TRIP12: variants seen among roughly 807,000 people sequenced by gnomAD.
The protein encoded by TRIP12 is thyroid hormone receptor interactor 12, also known as E3 ubiquitin-protein ligase TRIP12.
In TRIP12, 25 loss-of-function variants were observed where a neutral mutation model predicts 244.2. That is an observed-to-expected ratio of 0.10 (90% confidence interval 0.07 to 0.14). The LOEUF is 0.14. Ranked by LOEUF, TRIP12 falls within the 10% of genes least tolerant of loss-of-function variation. TRIP12 has a pLI of 1.00. For missense variants in TRIP12, 1,677 were observed against 2,486.4 expected, an observed-to-expected ratio of 0.67 and a Z score of 6.92; for synonymous variants, 905 against 873.1, an observed-to-expected ratio of 1.04 and a Z score of -0.64.
chr2:229,791,395 T>A (rs1466026599), intron 29 of TRIP12, 144 bp from the exon 30 acceptor site: 1 of 998,262 alleles, frequency 1.0e-6, no homozygotes, highest in East Asian at 2.6e-5. Flanking sequence ...TCTGGAGAAC[T>A]TCTTAGAAGA....
intron 20 of TRIP12, among the ~76,000 whole-genome samples, chr2:229,803,281 T>G (rs949257225): frequency 6.6e-6 from 1 of 152,182 alleles, no homozygotes; most frequent in Admixed American, 6.5e-5. Context: ...ACCCCGCTAA[T>G]TTTTGTATTT....
At chr2:229,809,117 G>C (rs892912160) in intron 15 of TRIP12, among the ~76,000 whole-genome samples, 1 of 152,116 alleles carries the variant, frequency 6.6e-6, no homozygotes, top group African/African-American at 2.4e-5. Flanking sequence ...TTATTAGAAT[G>C]TTTTGCCAAT....
intron 23 of TRIP12, among the ~76,000 whole-genome samples, chr2:229,798,347 G>C (rs562626214): frequency 6.6e-6 from 1 of 151,942 alleles, no homozygotes; most frequent in Non-Finnish European, 1.5e-5. Flanking sequence ...AAACCAAAGA[G>C]AGCATGTTTA....
At chr2:229,809,093 T>C (rs1354847108) in intron 15 of TRIP12, among the ~76,000 whole-genome samples, 2 of 152,206 alleles carry the variant, frequency 1.3e-5, no homozygotes, top group African/African-American at 4.8e-5. Flanking sequence ...ATATGCAAAA[T>C]ATACATAAAC....
chr2:229,919,277 G>C (rs540779754), intron 1 of TRIP12, among the ~76,000 whole-genome samples: 2 of 152,176 alleles, frequency 1.3e-5, no homozygotes, highest in East Asian at 3.9e-4. Flanking sequence ...TTAGCCGGGC[G>C]TGGTGGCGCG....
chr2:229,915,151 C>G (rs1326771512), intron 1 of TRIP12, among the ~76,000 whole-genome samples: 1 of 152,048 alleles, frequency 6.6e-6, no homozygotes, highest in Non-Finnish European at 1.5e-5. Context: ...ACTCGGGAGG[C>G]TGAGGCAGGA....
At chr2:229,892,353 G>T (rs531409181) in intron 1 of TRIP12, among the ~76,000 whole-genome samples, 1 of 152,272 alleles carries the variant, frequency 6.6e-6, no homozygotes, top group African/African-American at 2.4e-5. Flanking sequence ...TAGGAAAAAA[G>T]TCTGCAAAAA....
chr2:229,768,862 C>T (rs553992465), intron 40 of TRIP12, 143 bp from the exon 41 acceptor site: 30 of 652,216 alleles, frequency 4.6e-5, no homozygotes, highest in African/African-American at 3.7e-4. Context: ...TACTTAAATT[C>T]GTTTCTGTTA....
At chr2:229,840,990 T>C (rs1366865822) in intron 4 of TRIP12, 63 bp from the exon 5 acceptor site, 4 of 1,248,498 alleles carry the variant, frequency 3.2e-6, no homozygotes, top group Non-Finnish European at 4.5e-6. Context: ...TTAAAAATTA[T>C]AAAATTCTTC....
intron 4 of TRIP12, 57 bp from the exon 5 acceptor site, chr2:229,840,984 A>G: frequency 2.4e-6 from 3 of 1,269,452 alleles, no homozygotes; most frequent in Non-Finnish European, 2.2e-6. Context: ...CACTAATTAA[A>G]AATTATAAAA....
intron 5 of TRIP12, among the ~76,000 whole-genome samples, chr2:229,838,760 T>C (rs895088924): frequency 2.6e-5 from 4 of 152,180 alleles, no homozygotes; most frequent in African/African-American, 9.7e-5. Context: ...CTCAGAAAAG[T>C]TGCTATGCAA....
chr2:229,889,095 C>A (rs1053735260), intron 1 of TRIP12, among the ~76,000 whole-genome samples: 8 of 152,164 alleles, frequency 5.3e-5, no homozygotes, highest in Non-Finnish European at 2.9e-5. Flanking sequence ...AGTCTACTAA[C>A]AGGATCCCGC....
At chr2:229,767,860 T>G in intron 41 of TRIP12, 110 bp from the exon 42 acceptor site, 1 of 1,143,552 alleles carries the variant, frequency 8.7e-7, no homozygotes, top group Non-Finnish European at 1.2e-6. Flanking sequence ...ATATTCTTTC[T>G]TGCTTGGCAA....
At chr2:229,831,274 T>C in intron 6 of TRIP12, 2 of 619,306 alleles carry the variant, frequency 3.2e-6, no homozygotes, top group Non-Finnish European at 5.7e-6. Context: ...ACGTCTGCCT[T>C]CTAAGTCTGC....
At position 229,797,750 on chromosome 2, in the gene TRIP12, G is replaced by A. The variant is rs2043171612; in HGVS notation, c.3564C>T (p.Ser1188=). 6.2e-7 allele frequency: 1 copy of A among 1,613,980 alleles called. No homozygotes were observed. Among genetic ancestry groups the A allele is most frequent in the Admixed American group, 1.7e-5 (1 of 60,010 alleles). Residue 1188 remains serine (S), a synonymous_variant, in exon 24 of 42, where the codon AGC becomes AGT. Transcript: ENST00000675903. ...TCTGAAGGACATTCAATGCAGGGTT[G>A]CTTCCATCCATATTCTCAGAACTGA... ...RYFSSENMDG[S]NPALNVLQRL...
chr2:229,819,449 G>A (rs991856603), intron 8 of TRIP12, among the ~76,000 whole-genome samples: 4 of 152,166 alleles, frequency 2.6e-5, no homozygotes, highest in African/African-American at 9.7e-5. Flanking sequence ...GGAGGCTGAG[G>A]CAGGAGAACT....
intron 5 of TRIP12, among the ~76,000 whole-genome samples, chr2:229,840,618 C>A (rs988360440): frequency 6.6e-6 from 1 of 152,074 alleles, no homozygotes; most frequent in Non-Finnish European, 1.5e-5. Context: ...AGGAGAACCA[C>A]CTGAACCCGG....
chr2:229,893,553 T>A (rs977109167), intron 1 of TRIP12, among the ~76,000 whole-genome samples: 1 of 152,168 alleles, frequency 6.6e-6, no homozygotes, highest in African/African-American at 2.4e-5. Flanking sequence ...GGAAACATAG[T>A]ATGTACTCCT....
chr2:229,801,847 A>G (rs2044438968), intron 21 of TRIP12, among the ~76,000 whole-genome samples: 1 of 152,194 alleles, frequency 6.6e-6, no homozygotes, highest in African/African-American at 2.4e-5. Context: ...AATTTTCAGT[A>G]TTTTTAACTG....
Sources: gnomAD v4.1 joint callset for allele counts (sites outside exome capture counted in the v4.1 genomes callset) on GRCh38, gnomAD v4.1.1 for gene constraint, MANE v1.5 for transcripts, NCBI Gene and HGNC (gene_info 2026-07-23, HGNC 2026-07-21) for gene names.